DMAC2L: variants seen among roughly 807,000 people sequenced by gnomAD.
DMAC2L encodes distal membrane arm assembly component 2 like.
DMAC2L carries 21 observed loss-of-function variants against 22.5 expected under a neutral mutation model. That is an observed-to-expected ratio of 0.93 (90% CI 0.66 to 1.34). The LOEUF (loss-of-function observed/expected upper bound fraction) is 1.34, where lower values mean the gene tolerates loss of function less well. Among genes scored for constraint, DMAC2L ranks in the 40% most tolerant of loss-of-function variants. The pLI, the probability that DMAC2L is intolerant of heterozygous loss-of-function variation, is 0.00. For missense variants in DMAC2L, 239 were observed against 246.5 expected (o/e 0.97, Z 0.20); for synonymous variants, 86 against 89.5 (o/e 0.96, Z 0.22).
Position 50,321,533 on chromosome 14 carries a change from A to C in DMAC2L, c.46A>C (p.Lys16Gln). 6.2e-7 allele frequency: 1 copy of C among 1,614,182 alleles called. No individual in the cohort carries two copies. Among genetic ancestry groups the C allele is most frequent in the Non-Finnish European group, 8.5e-7 (1 of 1,180,008 alleles). ...KISQQLCGVK[K>Q]LPWSCDSRYF... The stretch of plus-strand genomic sequence containing the variant: ...TTCCCAGCAGTTGTGTGGCGTAAAG[A>C]AACTCCCATGGTCATGTGACTCCAG... Residue 16 changes from lysine to glutamine, a missense_variant, in exon 3 of 6, where the codon AAA (lysine) becomes CAA (glutamine). By Grantham distance (53) the Lys-to-Gln change is moderately conservative (BLOSUM62 1). Coordinates refer to ENST00000557421, the MANE Select transcript of DMAC2L (RefSeq NM_001382507.1).
chr14:50,311,667 T>C (rs550759181), upstream of DMAC2L, among the ~76,000 whole-genome samples: 1 of 152,318 alleles, frequency 6.6e-6, no homozygotes, highest in South Asian at 2.1e-4. Flanking sequence ...TAGGTCCTTT[T>C]ATCCTTCAAA....
At chr14:50,321,940 A>C (rs1453420473) in intron 3 of DMAC2L, among the ~76,000 whole-genome samples, 1 of 152,088 alleles carries the variant, frequency 6.6e-6, no homozygotes, top group African/African-American at 2.4e-5. Context: ...TAACCTTTTG[A>C]ATTCTATCAA....
intron 2 of DMAC2L, among the ~76,000 whole-genome samples, chr14:50,320,325 C>T (rs56027464): frequency 6.6e-6 from 1 of 151,790 alleles, no homozygotes; most frequent in African/African-American, 2.4e-5. Flanking sequence ...TAGCCAGGAT[C>T]GTCTCGATAT....
intron 2 of DMAC2L, among the ~76,000 whole-genome samples, chr14:50,315,689 A>ATG: frequency 7.3e-6 from 1 of 137,162 alleles, no homozygotes; most frequent in African/African-American, 2.8e-5. Context: ...AAAAAAAAAA[A>ATG]GAGTAATAAA....
At chr14:50,317,399 C>T (rs78499906) in intron 2 of DMAC2L, among the ~76,000 whole-genome samples, 2 of 152,224 alleles carry the variant, frequency 1.3e-5, no homozygotes, top group East Asian at 1.9e-4. Context: ...TCCTCTTTAC[C>T]GATTTGGATG....
intron 1 of DMAC2L, among the ~76,000 whole-genome samples, chr14:50,313,320 C>G (rs1468035073): frequency 6.6e-6 from 1 of 152,174 alleles, no homozygotes; most frequent in Non-Finnish European, 1.5e-5. Context: ...CAGGAAATCA[C>G]TTCACCTCTT....
At chr14:50,315,718 T>G (rs2031736930) in intron 2 of DMAC2L, among the ~76,000 whole-genome samples, 1 of 150,650 alleles carries the variant, frequency 6.6e-6, no homozygotes. Flanking sequence ...CTATTCAGGT[T>G]GCTGCGAATG....
At chr14:50,323,094 T>C (rs967708402) in intron 4 of DMAC2L, 83 of 932,326 alleles carry the variant, frequency 8.9e-5, no homozygotes, top group Non-Finnish European at 1.0e-4. Context: ...TCTTTCTTTT[T>C]TTTTTTTTTG....
intron 5 of DMAC2L, among the ~76,000 whole-genome samples, chr14:50,325,179 T>G (rs1275660722): frequency 6.6e-6 from 1 of 152,188 alleles, no homozygotes. Flanking sequence ...GCCAGTAACC[T>G]CAGTATCACA....
chr14:50,326,472 T>A lies in DMAC2L; in HGVS notation c.*749T>A. On this transcript the variant is annotated 3_prime_UTR_variant, in exon 6 of 6. Transcript: ENST00000557421. ...ATTACAGATTCATTGATGGAGTCAA[T>A]TATGCAAAGTGGTCAGTGGTTGTTG... The A allele has an allele frequency of 1.0e-6, 1 of 985,408 alleles. No homozygotes were observed. The highest frequency in any genetic ancestry group is 1.1e-4 in the East Asian group (1 of 8,814). The allele number at this position is 985,408 out of a possible 1,614,324, so 61.0% of individuals were successfully genotyped here.
chr14:50,323,868 G>T, intron 4 of DMAC2L, 77 bp from the exon 5 acceptor site: 1 of 1,299,578 alleles, frequency 7.7e-7, no homozygotes, highest in Non-Finnish European at 1.1e-6. Context: ...CTAAAACCAA[G>T]TCAGTCGTGG....
At chr14:50,319,360 A>T in intron 2 of DMAC2L, 3 of 1,535,162 alleles carry the variant, frequency 2.0e-6, no homozygotes. Flanking sequence ...AGCATCCTCA[A>T]TCACTTCCTC....
intron 3 of DMAC2L, 21 bp from the exon 4 acceptor site, chr14:50,322,490 C>G: frequency 6.3e-7 from 1 of 1,578,510 alleles, no homozygotes; most frequent in Non-Finnish European, 8.6e-7. Context: ...AAGCAAACTG[C>G]TTTTTTTCTC....
At chr14:50,325,373 AT>A (rs1206226608) in intron 5 of DMAC2L, among the ~76,000 whole-genome samples, 1 of 152,244 alleles carries the variant, frequency 6.6e-6, no homozygotes, top group African/African-American at 2.4e-5. Context: ...TATCTACATC[AT>A]TATAAATATA....
intron 1 of DMAC2L, chr14:50,313,174 C>T: frequency 1.2e-6 from 1 of 860,834 alleles, no homozygotes; most frequent in South Asian, 1.4e-5. Context: ...AACACTCATT[C>T]TGTATGCTTG....
At chr14:50,316,339 C>T (rs1174225869) in intron 2 of DMAC2L, among the ~76,000 whole-genome samples, 1 of 152,148 alleles carries the variant, frequency 6.6e-6, no homozygotes, top group Non-Finnish European at 1.5e-5. Flanking sequence ...AAGATTTTCT[C>T]CCACTATGTG....
rs751948244 is a variant in DMAC2L at position 50,325,598 on chromosome 14, T to C, written c.489-11T>C. ...TGGCCAAATTGAAGTGACTTTTTTC[T>C]TTATTTGCAGAAACCTCAAATATTT... On this transcript the variant is annotated splice_polypyrimidine_tract_variant and intron_variant, in intron 5 of 5. Coordinates refer to ENST00000557421, the MANE Select transcript of DMAC2L (RefSeq NM_001382507.1). 1.3e-6 allele frequency: 2 copies of C among 1,593,886 alleles called. No homozygotes were observed. Among genetic ancestry groups the C allele is most frequent in the Admixed American group, 3.5e-5 (2 of 56,880 alleles).
At chr14:50,312,628 C>CCCCGCCCT (rs1555334583) in intron 1 of DMAC2L, 2 of 225,472 alleles carry the variant, frequency 8.9e-6, no homozygotes, top group Admixed American at 1.2e-4. Context: ...GGCCCCGCCC[C>CCCCGCCCT]CGCCCCGCCC....
chr14:50,317,957 G>C (rs890754968), intron 2 of DMAC2L, among the ~76,000 whole-genome samples: 5 of 152,110 alleles, frequency 3.3e-5, no homozygotes, highest in African/African-American at 4.8e-5. Context: ...AATCACAAAG[G>C]GATGCTGGAT....
Sources: gnomAD v4.1 joint callset for allele counts (sites outside exome capture counted in the v4.1 genomes callset) on GRCh38, gnomAD v4.1.1 for gene constraint, MANE v1.5 for transcripts, NCBI Gene and HGNC (gene_info 2026-07-23, HGNC 2026-07-21) for gene names.